Variants in EXOC4 observed in about 807,000 individuals in gnomAD.
EXOC4 encodes exocyst complex component 4.
In EXOC4, 71 loss-of-function variants were observed where a neutral mutation model predicts 107.2. The ratio of observed to expected loss-of-function variants is 0.66; its 90% CI spans 0.55 to 0.81. The LOEUF is 0.81. EXOC4 is among the 30% of genes least tolerant of loss of function. EXOC4 has a pLI of 0.00. For missense variants in EXOC4, 1,108 were observed against 1,189.6 expected (o/e 0.93, Z 1.01); for synonymous variants, 456 against 441.2 (o/e 1.03, Z -0.42).
chr7:133,976,200 A>G (rs1793828913), intron 14 of EXOC4, among the ~76,000 whole-genome samples: 2 of 152,148 alleles, frequency 1.3e-5, no homozygotes, highest in South Asian at 2.1e-4. Context: ...CATCAAACAG[A>G]TAGGTCCACA....
intron 7 of EXOC4, among the ~76,000 whole-genome samples, chr7:133,381,218 A>G (rs889259345): frequency 5.3e-5 from 8 of 151,262 alleles, no homozygotes; most frequent in Non-Finnish European, 1.0e-4. Flanking sequence ...TTAGATTTCC[A>G]TGTTTTCTAG....
At chr7:133,317,472 C>T (rs1795017032) in intron 5 of EXOC4, 82 bp downstream of exon 5, 2 of 990,472 alleles carry the variant, frequency 2.0e-6, no homozygotes, top group South Asian at 1.4e-5. Flanking sequence ...TTTTTGGGGG[C>T]TGAGCTAGGT....
chr7:133,735,522 T>A (rs1321841943), intron 10 of EXOC4, among the ~76,000 whole-genome samples: 1 of 152,132 alleles, frequency 6.6e-6, no homozygotes, highest in Non-Finnish European at 1.5e-5. Context: ...GGATCTTAGA[T>A]TCTCTATTTT....
chr7:133,885,184 C>T (rs752027711), intron 11 of EXOC4, among the ~76,000 whole-genome samples: 9 of 151,840 alleles, frequency 5.9e-5, no homozygotes, highest in South Asian at 2.1e-4. Flanking sequence ...TGTGGTGGCA[C>T]GCGCCTGTAG....
At chr7:133,357,963 A>G (rs911097204) in intron 6 of EXOC4, among the ~76,000 whole-genome samples, 2 of 152,098 alleles carry the variant, frequency 1.3e-5, no homozygotes, top group Admixed American at 6.6e-5. Flanking sequence ...TGAGGTGGGC[A>G]GATTGCTTGA....
At chr7:133,485,947 T>G (rs1799262608) in intron 9 of EXOC4, among the ~76,000 whole-genome samples, 1 of 152,198 alleles carries the variant, frequency 6.6e-6, no homozygotes, top group South Asian at 2.1e-4. Flanking sequence ...TCAATTTCCA[T>G]TATGTTTTCT....
At chr7:133,406,184 A>AAGTG (rs1797212616) in intron 7 of EXOC4, among the ~76,000 whole-genome samples, 2 of 152,168 alleles carry the variant, frequency 1.3e-5, no homozygotes, top group African/African-American at 4.8e-5. Context: ...AATTTGTAGA[A>AAGTG]AGTGACATTG....
At chr7:133,370,020 C>T (rs1048905484) in intron 6 of EXOC4, among the ~76,000 whole-genome samples, 4 of 151,798 alleles carry the variant, frequency 2.6e-5, no homozygotes, top group Admixed American at 6.6e-5. Flanking sequence ...GTCAGGCTCC[C>T]GACCTCAGGT....
At chr7:133,280,219 A>G (rs1410231059) in intron 2 of EXOC4, among the ~76,000 whole-genome samples, 1 of 152,222 alleles carries the variant, frequency 6.6e-6, no homozygotes, top group East Asian at 1.9e-4. Flanking sequence ...AGTAATGTGG[A>G]CAATAAGCAA....
chr7:133,449,721 TTGTGTG>T (rs58843853), intron 7 of EXOC4, among the ~76,000 whole-genome samples: 89 of 147,890 alleles, frequency 6.0e-4, no homozygotes, highest in African/African-American at 2.0e-3. Flanking sequence ...GAAAATACAT[TTGTGTG>T]TGTGTGTGTG....
At chr7:134,029,785 G>C (rs1563097447) in intron 17 of EXOC4, among the ~76,000 whole-genome samples, 1 of 152,076 alleles carries the variant, frequency 6.6e-6, no homozygotes. Context: ...CCTCCCAAAG[G>C]GTTGGGATTA....
At chr7:133,525,987 C>A (rs572076229) in intron 9 of EXOC4, among the ~76,000 whole-genome samples, 1 of 152,084 alleles carries the variant, frequency 6.6e-6, no homozygotes, top group South Asian at 2.1e-4. Flanking sequence ...TTCTCCTGAG[C>A]CAATATTCCA....
chr7:133,564,246 G>A (rs1482569670), intron 9 of EXOC4, among the ~76,000 whole-genome samples: 3 of 152,144 alleles, frequency 2.0e-5, no homozygotes, highest in African/African-American at 7.2e-5. Context: ...GGCAGAAGGC[G>A]AAAGGAAAGC....
At chr7:133,352,093 A>G (rs751267061) in intron 5 of EXOC4, among the ~76,000 whole-genome samples, 1 of 151,928 alleles carries the variant, frequency 6.6e-6, no homozygotes, top group Non-Finnish European at 1.5e-5. Flanking sequence ...TTGGCAGCCT[A>G]ATATATGGTT....
At chr7:133,534,034 GAATAACTCAGTTT>G (rs1800229192) in intron 9 of EXOC4, among the ~76,000 whole-genome samples, 1 of 152,148 alleles carries the variant, frequency 6.6e-6, no homozygotes, top group Non-Finnish European at 1.5e-5. Context: ...TACCTCTTCT[GAATAACTCAGTTT>G]AGGTCAGAGA....
chr7:133,889,204 A>C (rs573641898), intron 11 of EXOC4, among the ~76,000 whole-genome samples: 1 of 152,128 alleles, frequency 6.6e-6, no homozygotes, highest in Non-Finnish European at 1.5e-5. Flanking sequence ...CTGAATATGC[A>C]TTTTCTGTCT....
intron 9 of EXOC4, among the ~76,000 whole-genome samples, chr7:133,516,968 T>G (rs554796124): frequency 1.3e-5 from 2 of 152,002 alleles, no homozygotes; most frequent in African/African-American, 4.8e-5. Flanking sequence ...CTAAATCTAT[T>G]CTTTCTAAAA....
chr7:133,620,003 TG>T (rs1802287975), intron 9 of EXOC4, among the ~76,000 whole-genome samples: 2 of 151,210 alleles, frequency 1.3e-5, no homozygotes, highest in Non-Finnish European at 2.9e-5. Flanking sequence ...TGTGTGTGTG[TG>T]TGTGTTTGTT....
chr7:134,048,433 G>A (rs151209804), intron 17 of EXOC4, among the ~76,000 whole-genome samples: 183 of 152,296 alleles, frequency 1.2e-3, no homozygotes, highest in Middle Eastern at 3.4e-3. Flanking sequence ...GCCCAGGAAT[G>A]AGCAAGGACA....
Sources: allele counts gnomAD v4.1 joint callset (sites outside exome capture counted in the v4.1 genomes callset), GRCh38; gene constraint gnomAD v4.1.1; transcripts MANE v1.5; gene names NCBI Gene and HGNC (gene_info 2026-07-23, HGNC 2026-07-21).